NCAPG: variants seen among roughly 807,000 people sequenced by gnomAD.
NCAPG encodes the protein non-SMC condensin I complex subunit G, also known as condensin complex subunit 3.
NCAPG carries 69 observed loss-of-function variants against 113.1 expected under a neutral mutation model. The ratio of observed to expected loss-of-function variants is 0.61; its 90% confidence interval spans 0.50 to 0.75. The LOEUF is 0.75. NCAPG is among the 30% of genes least tolerant of loss of function. The probability of loss-of-function intolerance (pLI) is 0.00; values close to 1 mark genes in which losing one functional copy is unlikely to be tolerated. For missense variants in NCAPG, 1,058 were observed against 1,177.0 expected, an observed-to-expected ratio of 0.90 and a Z score of 1.48; for synonymous variants, 370 against 415.8, an observed-to-expected ratio of 0.89 and a Z score of 1.34.
chr4:17,823,205 A>G (rs912533505), intron 8 of NCAPG, 82 bp downstream of exon 8: 3 of 1,341,176 alleles, frequency 2.2e-6, no homozygotes, highest in African/African-American at 3.0e-5. Context: ...AATATAACTA[A>G]ACATATTTAC....
rs1219482263 is a variant in NCAPG at position 17,840,080 on chromosome 4, G to A, written c.2638G>A (p.Asp880Asn). 1 of 1,599,756 alleles carries A rather than the reference G, an allele frequency of 6.3e-7. No homozygotes were observed. Among genetic ancestry groups the A allele is most frequent in the Non-Finnish European group, 8.5e-7 (1 of 1,175,708 alleles). Residue 880 changes from aspartate (D) to asparagine (N), a missense_variant, in exon 18 of 21, where the codon GAT becomes AAT. Transcript: ENST00000251496. ...ATGTTTTCTTTTATAGCAAGTAAAA[G>A]ATAGGACATGTCTGAGAGCTTTGGA... is the stretch of plus-strand genomic sequence containing the variant. ...LLNEILEQVK[D>N]RTCLRALEKI...
chr4:17,834,577 G>T, intron 14 of NCAPG, 54 bp downstream of exon 14: 1 of 1,129,304 alleles, frequency 8.9e-7, no homozygotes, highest in Non-Finnish European at 1.2e-6. Flanking sequence ...GCATGTATTT[G>T]TTTATTATTA....
intron 13 of NCAPG, among the ~76,000 whole-genome samples, chr4:17,833,140 G>A (rs1721930263): frequency 6.6e-6 from 1 of 152,102 alleles, no homozygotes. Flanking sequence ...GGGAGGCTGA[G>A]GCAGGTTGAT....
intron 7 of NCAPG, among the ~76,000 whole-genome samples, chr4:17,819,042 A>G (rs966726039): frequency 6.6e-6 from 1 of 152,166 alleles, no homozygotes; most frequent in East Asian, 1.9e-4. Context: ...GCATTTATAT[A>G]CATTTTTTGA....
chr4:17,840,236 A>G lies in NCAPG; in HGVS notation c.2767+27A>G, dbSNP rs116325004. On this transcript the variant is annotated intron_variant, in intron 18 of 20. Coordinates refer to ENST00000251496, the MANE Select transcript of NCAPG (RefSeq NM_022346.5). ...TAATCACATACTGAACAGAATATTTATAAGGTTCTGTTTTTTTTTTTCCAT... is the reference window on the plus strand; with the variant it reads ...TAATCACATACTGAACAGAATATTTGTAAGGTTCTGTTTTTTTTTTTCCAT... 2,444 of 1,514,796 alleles carry G rather than the reference A, an allele frequency of 1.6e-3. 23 individuals carry two copies. The African/African-American group carries it at 0.03, about 18-fold the overall frequency. The allele number at this position is 1,514,796 out of a possible 1,614,324, so 93.8% of individuals were successfully genotyped here.
intron 19 of NCAPG, 114 bp from the exon 20 acceptor site, chr4:17,842,183 AGTAGGAGATACAT>A: frequency 4.3e-6 from 3 of 701,320 alleles, no homozygotes; most frequent in Non-Finnish European, 7.3e-6. Flanking sequence ...GGCTAGAACA[AGTAGGAGATACAT>A]GTGTTGAAAG....
At chr4:17,842,568 GC>G (rs1457244181) in intron 20 of NCAPG, 189 bp downstream of exon 20, 22 of 540,664 alleles carry the variant, frequency 4.1e-5, no homozygotes, top group Non-Finnish European at 7.0e-5. Flanking sequence ...CGGCGTGTTT[GC>G]TTTTGCCTAT....
At chr4:17,812,521 T>C in intron 2 of NCAPG, 97 bp downstream of exon 2, 1 of 870,854 alleles carries the variant, frequency 1.1e-6, no homozygotes, top group African/African-American at 1.7e-5. Context: ...ATGAAATATC[T>C]AGTGATTGAA....
intron 7 of NCAPG, among the ~76,000 whole-genome samples, chr4:17,821,005 G>A (rs1721435634): frequency 6.6e-6 from 1 of 152,102 alleles, no homozygotes; most frequent in African/African-American, 2.4e-5. Context: ...TATAATAAAT[G>A]TCTTTATAAA....
intron 16 of NCAPG, among the ~76,000 whole-genome samples, chr4:17,838,778 A>G (rs1182272757): frequency 1.3e-5 from 2 of 152,192 alleles, no homozygotes; most frequent in African/African-American, 4.8e-5. Context: ...CCTTATGTGC[A>G]ATGGATAATT....
Position 17,840,703 on chromosome 4 carries a change from G to A in NCAPG, c.2854+10G>A. 1 of 1,458,412 alleles carries A rather than the reference G, an allele frequency of 6.9e-7. No individual in the cohort carries two copies. Among genetic ancestry groups the A allele is most frequent in the East Asian group, 2.5e-5 (1 of 39,748 alleles). The allele number at this position is 1,458,412 out of a possible 1,614,324, so 90.3% of individuals were successfully genotyped here. ...CTAAAGACTAACAGAGGTAGTGTGT[G>A]GATTGACCATCTTTATGATAAAAGT... On this transcript the variant is annotated intron_variant, in intron 19 of 20. Coordinates refer to ENST00000251496, the MANE Select transcript of NCAPG (RefSeq NM_022346.5).
In NCAPG at chr4:17,823,649, A is replaced by T. The variant is rs753660180; in HGVS notation, c.1262A>T (p.Lys421Ile). ...SLDTSEEGGR[K>I]KLLAVLQEIL... ...AAATTAGTTCTTTTTGACTGCAGAA[A>T]AAAACTGCTGGCTGTTTTACAGGAG... The change falls in exon 9 of 21, where the codon AAA becomes ATA. Residue 421 changes from lysine to isoleucine, a missense_variant and splice_region_variant. Transcript: ENST00000251496. 1.2e-6 allele frequency: 2 copies of T among 1,605,358 alleles called. No individual in the cohort carries two copies. Among genetic ancestry groups the T allele is most frequent in the Non-Finnish European group, 1.7e-6 (2 of 1,176,340 alleles).
intron 13 of NCAPG, among the ~76,000 whole-genome samples, chr4:17,831,526 G>T (rs879865507): frequency 1.1e-4 from 16 of 152,154 alleles, no homozygotes; most frequent in Non-Finnish European, 1.5e-4. Flanking sequence ...AAGCAGAGAA[G>T]GGGATTAAGC....
chr4:17,825,135 T>C, intron 10 of NCAPG, 78 bp downstream of exon 10: 1 of 1,049,702 alleles, frequency 9.5e-7, no homozygotes. Flanking sequence ...TGCTGTGCAG[T>C]TCTGAAATGT....
At chr4:17,843,243 A>T in intron 20 of NCAPG, 59 bp from the exon 21 acceptor site, 1 of 1,547,562 alleles carries the variant, frequency 6.5e-7, no homozygotes, top group Non-Finnish European at 8.7e-7. Context: ...AGTTTTATTT[A>T]TAAATAAACT....
chr4:17,843,289 A>C lies in NCAPG; in HGVS notation c.2925-13A>C, dbSNP rs772558446. 1.1e-5 allele frequency: 18 copies of C among 1,602,246 alleles called. No individual in the cohort carries two copies. The highest frequency in any genetic ancestry group is 1.5e-5 in the Non-Finnish European group (18 of 1,174,972). On this transcript the variant is annotated splice_polypyrimidine_tract_variant and intron_variant, in intron 20 of 20. Transcript: ENST00000251496. ...CTTGTATCTAAATTCGTGTATTTTC[A>C]ACATCTATTTAGTGATCATGAAGTT... is the stretch of plus-strand genomic sequence containing the variant.
chr4:17,839,951 ATTTTC>A, intron 17 of NCAPG, 114 bp downstream of exon 17: 1 of 1,442,072 alleles, frequency 6.9e-7, no homozygotes, highest in Non-Finnish European at 9.3e-7. Flanking sequence ...TATTTGAAGT[ATTTTC>A]TTCATAAATT....
chr4:17,830,308 A>G (rs1721808894), intron 12 of NCAPG, among the ~76,000 whole-genome samples: 1 of 151,860 alleles, frequency 6.6e-6, no homozygotes, highest in African/African-American at 2.4e-5. Context: ...TAGGAGGATC[A>G]CTTAAGCTTA....
At chr4:17,813,334 C>T (rs111419091) in intron 3 of NCAPG, 189 bp downstream of exon 3, 2 of 428,076 alleles carry the variant, frequency 4.7e-6, no homozygotes, top group Admixed American at 4.1e-5. Context: ...GCATCCTATC[C>T]CAGTTGCATC....
Sources: gnomAD v4.1 joint callset for allele counts (sites outside exome capture counted in the v4.1 genomes callset) on GRCh38, gnomAD v4.1.1 for gene constraint, MANE v1.5 for transcripts, NCBI Gene and HGNC (gene_info 2026-07-23, HGNC 2026-07-21) for gene names.